The following RUVBL1 variants were observed in gnomAD, a reference collection of about 807,000 sequenced individuals.
The protein encoded by RUVBL1 is ruvB-like 1.
RUVBL1 carries 4 observed loss-of-function variants against 52.4 expected under a neutral mutation model. The observed-to-expected ratio is 0.08, with a 90% CI of 0.04 to 0.17. The LOEUF is 0.17. RUVBL1 is among the 10% of genes least tolerant of loss of function. The pLI is 1.00. For missense variants in RUVBL1, 298 were observed against 572.8 expected, an observed-to-expected ratio of 0.52 and a Z score of 4.90; for synonymous variants, 217 against 214.4, an observed-to-expected ratio of 1.01 and a Z score of -0.10.
chr3:128,095,746 T>G (rs529689525), intron 8 of RUVBL1, among the ~76,000 whole-genome samples: 42 of 148,004 alleles, frequency 2.8e-4, no homozygotes, highest in African/African-American at 8.1e-4. Flanking sequence ...GCATGTTTTG[T>G]TTTTTTTTAA....
Position 128,067,324 on chromosome 3 carries a change from T to A in RUVBL1, c.940-2104A>T. On this transcript the variant is annotated intron_variant, in intron 9 of 9. Transcript: ENST00000464873. This position sits in a 1 kb window ranked among gnomAD's most constrained non-coding sequence, Gnocchi z 4.1. ...AAAAAATTGTACTGTGGGCACCGAG[T>A]AAAATTGCATTCTTTCATCTGCTCA... 1.4e-6 allele frequency: 2 copies of A among 1,388,340 alleles called. No homozygotes were observed. Among genetic ancestry groups the A allele is most frequent in the Non-Finnish European group, 9.9e-7 (1 of 1,010,948 alleles). 86.0% of individuals were successfully genotyped at this position (1,388,340 alleles called of 1,614,324 possible).
chr3:128,101,658 A>T lies in RUVBL1; in HGVS notation c.514-10T>A. 6.2e-7 allele frequency: 1 copy of T among 1,612,852 alleles called. No homozygotes were observed. Among genetic ancestry groups the T allele is most frequent in the South Asian group, 1.1e-5 (1 of 91,084 alleles). On this transcript the variant is annotated splice_polypyrimidine_tract_variant and intron_variant, in intron 4 of 10. Coordinates refer to ENST00000322623, the MANE Select transcript of RUVBL1 (RefSeq NM_003707.3). ...AAATGCTGGGGTCCAGCTAAAAAAA[A>T]AAATGTAAATCAGAAGTGTAATACA...
In RUVBL1 at chr3:128,152,602, C is replaced by G. The variant is rs547841570; in HGVS notation, c.-40+601G>C. Reference sequence around the variant, plus strand: ...AATATTAGCGGGCACTGTAGCCCAGCGGAACCCACCAGGCACTTGGTAAGA... The same window carrying G: ...AATATTAGCGGGCACTGTAGCCCAGGGGAACCCACCAGGCACTTGGTAAGA... On this transcript the variant is annotated intron_variant, in intron 1 of 9. Transcript: ENST00000464873. Among the ~76,000 whole-genome samples, 7 of 152,236 alleles carry G rather than the reference C, an allele frequency of 4.6e-5. No homozygotes were observed. In the South Asian group the frequency reaches 1.5e-3, roughly 32 times the overall value.
chr3:128,100,507 G>A, intron 6 of RUVBL1, 88 bp downstream of exon 6: 1 of 1,464,172 alleles, frequency 6.8e-7, no homozygotes, highest in Non-Finnish European at 9.1e-7. Flanking sequence ...CTCAAGAAAG[G>A]CAGCAAGACT....
chr3:128,136,103 C>A (rs1233674890), intron 1 of RUVBL1, among the ~76,000 whole-genome samples: 1 of 150,608 alleles, frequency 6.6e-6, no homozygotes, highest in African/African-American at 2.4e-5. Context: ...ATTAAAAAAC[C>A]TACAACGCAT....
At chr3:128,106,365 T>G (rs1269675806) in intron 3 of RUVBL1, among the ~76,000 whole-genome samples, 1 of 152,242 alleles carries the variant, frequency 6.6e-6, no homozygotes, top group Non-Finnish European at 1.5e-5. Context: ...GATCTCTATG[T>G]TCATTACATG....
intron 1 of RUVBL1, among the ~76,000 whole-genome samples, chr3:128,148,415 G>A (rs796147817): frequency 4.6e-5 from 7 of 152,300 alleles, no homozygotes; most frequent in African/African-American, 1.7e-4. Context: ...AAAACTGGGA[G>A]GATGCAGTTC....
At chr3:128,113,152 A>G (rs1461731844) in intron 2 of RUVBL1, 132 bp from the exon 3 acceptor site, 1 of 1,034,306 alleles carries the variant, frequency 9.7e-7, no homozygotes. Flanking sequence ...GTTTCACACA[A>G]TAAATGTTTG....
rs150618201 is a variant in RUVBL1, at chr3:128,073,228, C to T, written c.940-8008G>A. ...AGTCTAGGGAAACAGGCCCCACCCC[C>T]GGAGCTTCCCCTTGCTGCCCTTGGC... On this transcript the variant is annotated intron_variant, in intron 9 of 9. Coordinates refer to the RUVBL1 transcript ENST00000464873. Among the ~76,000 whole-genome samples the T allele has an allele frequency of 4.0e-3, 610 of 152,304 alleles. 3 individuals carry two copies. The highest frequency in any genetic ancestry group is 0.014 in the African/African-American group (563 of 41,554).
intron 1 of RUVBL1, among the ~76,000 whole-genome samples, chr3:128,148,712 T>C (rs956642721): frequency 6.6e-6 from 1 of 152,216 alleles, no homozygotes; most frequent in Non-Finnish European, 1.5e-5. Context: ...TATGTATCCT[T>C]GTAGGGCTAT....
chr3:128,136,766 C>T (rs1198412082), intron 1 of RUVBL1, among the ~76,000 whole-genome samples: 3 of 151,770 alleles, frequency 2.0e-5, no homozygotes, highest in Non-Finnish European at 4.4e-5. Flanking sequence ...GCTATACTTA[C>T]AGCAGAAAAA....
At chr3:128,066,560 C>G (rs1021519434) in intron 9 of RUVBL1, 6 of 198,020 alleles carry the variant, frequency 3.0e-5, no homozygotes, top group Non-Finnish European at 6.2e-5. Flanking sequence ...GTAGCTGGGA[C>G]TACAGGCGCG....
intron 1 of RUVBL1, among the ~76,000 whole-genome samples, chr3:128,131,679 C>T: frequency 6.6e-6 from 1 of 152,076 alleles, no homozygotes; most frequent in East Asian, 1.9e-4. Flanking sequence ...GTTTAACATA[C>T]AAAAATCAGT....
At chr3:128,153,450 C>A (rs922880349) in exon 1 of RUVBL1, 16 of 1,433,454 alleles carry the variant, frequency 1.1e-5, no homozygotes, top group Admixed American at 8.8e-5. Context: ...CGGACCGCGG[C>A]GACTACCGAG....
At chr3:128,124,360 A>C (rs1315501157), upstream of RUVBL1, among the ~76,000 whole-genome samples, 1 of 151,958 alleles carries the variant, frequency 6.6e-6, no homozygotes, top group Non-Finnish European at 1.5e-5. Flanking sequence ...AACATTTTGC[A>C]GTTTTCAAAA....
chr3:128,136,567 A>G (rs1487006862), intron 1 of RUVBL1, among the ~76,000 whole-genome samples: 1 of 148,404 alleles, frequency 6.7e-6, no homozygotes, highest in Non-Finnish European at 1.5e-5. Context: ...TCAAGGCTGC[A>G]GTGAGCAATA....
At chr3:128,135,287 C>G (rs922980724) in intron 1 of RUVBL1, among the ~76,000 whole-genome samples, 2 of 152,196 alleles carry the variant, frequency 1.3e-5, no homozygotes, top group South Asian at 4.1e-4. Context: ...AATCCCAGCA[C>G]TTTGGGAGGC....
At chr3:128,070,614 G>C (rs555919815) in intron 9 of RUVBL1, 66 of 152,370 alleles carry the variant, frequency 4.3e-4, no homozygotes, top group African/African-American at 1.3e-3. Flanking sequence ...TTTTCTTACT[G>C]TGCTTAGGAC....
chr3:128,119,305 A>G (rs1943591269), intron 2 of RUVBL1, 23 bp downstream of exon 2: 2 of 1,596,622 alleles, frequency 1.3e-6, no homozygotes, highest in East Asian at 2.2e-5. Flanking sequence ...GGGTAGATTT[A>G]AAAAATGAGA....
Sources: gnomAD v4.1 joint callset for allele counts (sites outside exome capture counted in the v4.1 genomes callset) on GRCh38, gnomAD v4.1.1 for gene constraint, Gnocchi (gnomAD v3.1) non-coding constraint, MANE v1.5 for transcripts, NCBI Gene and HGNC (gene_info 2026-07-23, HGNC 2026-07-21) for gene names.